MAZ: variants seen among roughly 807,000 people sequenced by gnomAD.
MAZ encodes myc-associated zinc finger protein.
In MAZ, 4 loss-of-function variants were observed where a neutral mutation model predicts 32.7. The ratio of observed to expected loss-of-function variants is 0.12; its 90% CI spans 0.06 to 0.28. MAZ has a LOEUF of 0.28. Among genes scored for constraint, MAZ ranks in the 10% least tolerant of loss-of-function variants. The pLI is 1.00. For missense variants in MAZ, 763 were observed against 667.2 expected (o/e 1.14, Z -1.58); for synonymous variants, 510 against 297.6 (o/e 1.71, Z -7.35).
rs1342198007 is a variant in MAZ at position 29,808,091 on chromosome 16, G to C, written c.1044-139G>C. Reference sequence around the variant, plus strand: ...CAGCGGCTGCTGGGCTCCAGGGGAGGGATTTCCTGCTTAAGTGTCGCTGTG... The same window carrying C: ...CAGCGGCTGCTGGGCTCCAGGGGAGCGATTTCCTGCTTAAGTGTCGCTGTG... On this transcript the variant is annotated intron_variant, in intron 2 of 4. Coordinates refer to ENST00000322945, the MANE Select transcript of MAZ (RefSeq NM_002383.4). 3 of 980,188 alleles carry C rather than the reference G, an allele frequency of 3.1e-6. No individual in the cohort carries two copies. The Admixed American group carries it at 6.6e-5, about 22-fold the overall frequency. 60.7% of individuals were successfully genotyped at this position (980,188 alleles called of 1,614,324 possible).
At chr16:29,806,401 A>ACCGCCG (rs1240478598), upstream of MAZ, 289 of 103,824 alleles carry the variant, frequency 2.8e-3, 3 homozygotes, top group African/African-American at 6.2e-3. Flanking sequence ...CCAGGCTCCA[A>ACCGCCG]CCGCCGCCGC....
At position 29,811,052 on chromosome 16, in the gene MAZ, G is replaced by A. The variant is rs1044086; in HGVS notation, c.*821G>A. The A allele has an allele frequency of 8.8e-6, 4 of 455,192 alleles. No individual in the cohort carries two copies. Among genetic ancestry groups the A allele is most frequent in the South Asian group, 4.7e-5 (3 of 64,306 alleles). The allele number at this position is 455,192 out of a possible 1,614,324, so 28.2% of individuals were successfully genotyped here. ...TTCATCCCTCTTCCCCACGACAGAA[G>A]AAGTTGTGGCCCTGGCCATGTCATC... is the stretch of plus-strand genomic sequence containing the variant. On this transcript the variant is annotated 3_prime_UTR_variant, in exon 5 of 5. Coordinates refer to ENST00000322945, the MANE Select transcript of MAZ (RefSeq NM_002383.4).
chr16:29,806,871 G>T lies in MAZ; in HGVS notation c.170G>T (p.Gly57Val). Residue 57 changes from glycine (G) to valine (V), a missense_variant, in exon 1 of 5, where the codon GGC (glycine) becomes GTC (valine). Gly to Val is a moderately radical substitution (Grantham distance 109). Coordinates refer to ENST00000322945, the MANE Select transcript of MAZ (RefSeq NM_002383.4). ...ELQSRFFASQ[G>V]CAQSPFQAAP... is the part of the protein sequence containing the mutation. ...CAGTCCCGCTTCTTTGCCTCCCAGGGCTGCGCCCAGAGTCCATTCCAGGTG... is the reference window on the plus strand; with the variant it reads ...CAGTCCCGCTTCTTTGCCTCCCAGGTCTGCGCCCAGAGTCCATTCCAGGTG... 7.0e-7 allele frequency: 1 copy of T among 1,435,798 alleles called. No homozygotes were observed. Among genetic ancestry groups the T allele is most frequent in the Non-Finnish European group, 9.2e-7 (1 of 1,085,546 alleles). 88.9% of individuals were successfully genotyped at this position (1,435,798 alleles called of 1,614,324 possible).
chr16:29,808,424 C>G (rs181332715), intron 3 of MAZ, 131 bp downstream of exon 3: 1 of 1,031,898 alleles, frequency 9.7e-7, no homozygotes, highest in African/African-American at 1.6e-5. Context: ...CTCATCCCTT[C>G]TTCAAGGCCT....
At position 29,807,424 on chromosome 16, in the gene MAZ, G is replaced by T. The variant is rs1361074287; in HGVS notation, c.639G>T (p.Thr213=). 1 of 1,612,440 alleles carries T rather than the reference G, an allele frequency of 6.2e-7. No individual in the cohort carries two copies. Among genetic ancestry groups the T allele is most frequent in the South Asian group, 1.1e-5 (1 of 91,074 alleles). The change falls in exon 2 of 5, where the codon ACG becomes ACT. Residue 213 remains threonine, a synonymous_variant. Coordinates refer to ENST00000322945, the MANE Select transcript of MAZ (RefSeq NM_002383.4). ...YNLRRHEAIH[T]GAKAGRVPSG... is the part of the protein sequence containing the mutation. Reference sequence around the variant, plus strand: ...TCCGGAGGCACGAAGCCATCCACACGGGAGCCAAGGCCGGCCGGGTCCCCT... The same window carrying T: ...TCCGGAGGCACGAAGCCATCCACACTGGAGCCAAGGCCGGCCGGGTCCCCT...
chr16:29,809,026 C>T (rs1270413196), intron 4 of MAZ: 3 of 547,102 alleles, frequency 5.5e-6, no homozygotes, highest in Non-Finnish European at 9.6e-6. Flanking sequence ...GTCAAGAAAG[C>T]CAGTTCCAGG....
chr16:29,806,146 TG>T, upstream of MAZ: 1 of 1,012,130 alleles, frequency 9.9e-7, no homozygotes, highest in Non-Finnish European at 1.3e-6. Context: ...CCCTCCGCCA[TG>T]GATCCCAGCA....
intron 2 of MAZ, 137 bp from the exon 3 acceptor site, chr16:29,808,093 A>G: frequency 1.0e-6 from 1 of 979,318 alleles, no homozygotes. Flanking sequence ...CAGGGGAGGG[A>G]TTTCCTGCTT....
At chr16:29,808,957 C>A (rs936869553) in intron 4 of MAZ, 1 of 577,866 alleles carries the variant, frequency 1.7e-6, no homozygotes, top group African/African-American at 1.9e-5. Context: ...AGAGGTTGAA[C>A]CTCCTGGTAA....
At position 29,809,277 on chromosome 16, in the gene MAZ, C is replaced by G. The variant is rs769979443; in HGVS notation, c.1279+536C>G. 4 of 550,692 alleles carry G rather than the reference C, an allele frequency of 7.3e-6. No homozygotes were observed. The African/African-American group carries it at 7.7e-5, about 11-fold the overall frequency. The allele number at this position is 550,692 out of a possible 1,614,324, so 34.1% of individuals were successfully genotyped here. ...TGGCTAGGAGTCAGTGTCTCGTCATCCTGGGAGAGGTCTCCCGGCCATGGA... is the reference window on the plus strand; with the variant it reads ...TGGCTAGGAGTCAGTGTCTCGTCATGCTGGGAGAGGTCTCCCGGCCATGGA... On this transcript the variant is annotated intron_variant, in intron 4 of 4. Transcript: ENST00000322945.
chr16:29,809,141 G>A (rs1899750867), intron 4 of MAZ: 2 of 498,662 alleles, frequency 4.0e-6, no homozygotes, highest in Non-Finnish European at 7.1e-6. Context: ...ACCCTGCACG[G>A]GTAGCAGAGA....
rs768779626 is a variant in MAZ at position 29,807,274 on chromosome 16, C to T, written c.489C>T (p.Ala163=). The T allele has an allele frequency of 6.8e-6, 10 of 1,470,456 alleles. No homozygotes were observed. Among genetic ancestry groups the T allele is most frequent in the African/African-American group, 1.5e-5 (1 of 68,416 alleles). The allele number at this position is 1,470,456 out of a possible 1,614,324, so 91.1% of individuals were successfully genotyped here. ...AATIAAAAAT[A]VVAPTSTVAV... ...CTATCGCCGCGGCGGCGGCCACCGC[C>T]GTCGTAGCCCCAACCTCGACGGTCG... Residue 163 remains alanine (A), a synonymous_variant, in exon 2 of 5, where the codon GCC becomes GCT. Coordinates refer to ENST00000322945, the MANE Select transcript of MAZ (RefSeq NM_002383.4).
intron 4 of MAZ, 181 bp downstream of exon 4, chr16:29,808,922 C>T (rs1016476153): frequency 1.1e-5 from 7 of 612,262 alleles, no homozygotes; most frequent in African/African-American, 7.4e-5. Flanking sequence ...CTAAGAAGTC[C>T]TGGTTGGAAG....
Position 29,810,412 on chromosome 16 carries a change from G to C in MAZ, c.*181G>C, listed in dbSNP as rs1326979748. 6.5e-6 allele frequency: 5 copies of C among 764,844 alleles called. No homozygotes were observed. The highest frequency in any genetic ancestry group is 4.4e-5 in the South Asian group (3 of 68,794). 47.4% of individuals were successfully genotyped at this position (764,844 alleles called of 1,614,324 possible). A position where few individuals can be genotyped will look rare whatever the true frequency, so the allele number is the denominator to read the frequency against. ...TAGGTTTTAACGATTTGTTTCTCCT[G>C]CTCCTCTTCTGTCAGACCTGACCCC... is the stretch of plus-strand genomic sequence containing the variant. On this transcript the variant is annotated 3_prime_UTR_variant, in exon 5 of 5. Transcript: ENST00000322945.
Position 29,810,843 on chromosome 16 carries a change from CAG to C in MAZ, c.*613_*614del, listed in dbSNP as rs1173690668. On this transcript the variant is annotated 3_prime_UTR_variant, in exon 5 of 5. Transcript: ENST00000322945. ...AACATCGTCCTACTTGAGAATCTGT[CAG>C]GGGAAAAAGTCAAGGGGAGCAGGAG... 5.9e-6 allele frequency: 2 copies of C among 341,044 alleles called. No individual in the cohort carries two copies. The highest frequency in any genetic ancestry group is 2.3e-5 in the South Asian group (1 of 43,818). The allele number at this position is 341,044 out of a possible 1,614,324, so 21.1% of individuals were successfully genotyped here. A position where few individuals can be genotyped will look rare whatever the true frequency, so the allele number is the denominator to read the frequency against.
chr16:29,807,752 A>G lies in MAZ; in HGVS notation c.967A>G (p.Ser323Gly). The change falls in exon 2 of 5, where the codon AGC becomes GGC. Residue 323 changes from serine to glycine, a missense_variant. By Grantham distance (56) the Ser-to-Gly change is moderately conservative. Coordinates refer to ENST00000322945, the MANE Select transcript of MAZ (RefSeq NM_002383.4). ...QQRFKRKDRM[S>G]YHVRSHDGAV... is the part of the protein sequence containing the mutation. ...GCGCTTCAAGCGCAAGGACCGCATG[A>G]GCTACCACGTGCGCTCACATGACGG... 1 of 1,612,726 alleles carries G rather than the reference A, an allele frequency of 6.2e-7. No homozygotes were observed. The highest frequency in any genetic ancestry group is 8.5e-7 in the Non-Finnish European group (1 of 1,179,970).
chr16:29,808,414 C>G, intron 3 of MAZ, 121 bp downstream of exon 3: 1 of 1,090,370 alleles, frequency 9.2e-7, no homozygotes, highest in South Asian at 1.3e-5. Context: ...GCTCCATTTT[C>G]TCATCCCTTC....
At position 29,810,120 on chromosome 16, in the gene MAZ, G is replaced by GCGGCA. The variant is rs1555501563; in HGVS notation, c.1323_1324insCGGCA (p.Ala442ArgfsTer10). On this transcript the variant is annotated frameshift_variant, in exon 5 of 5. Coordinates refer to ENST00000322945, the MANE Select transcript of MAZ (RefSeq NM_002383.4). LOFTEE classifies it high-confidence loss of function. ...CAATGGCGGCGGCAGCGGCAGCGGC[G>GCGGCA]GCAGCGGCAGCAGCGGCAGCAGTAG... The GCGGCA allele has an allele frequency of 6.3e-7, 1 of 1,598,230 alleles. No homozygotes were observed. The highest frequency in any genetic ancestry group is 1.4e-5 in the African/African-American group (1 of 73,314).
rs534860404 is a variant in MAZ at position 29,810,187 on chromosome 16, G to C, written c.1390G>C (p.Gly464Arg). ...TAVGSLSGAE[G>R]VPVSSQPLPS... ...TGTGGGCTCCCTCTCGGGGGCGGAGGGGGTGCCTGTGAGCTCTCAGCCACT... is the reference window on the plus strand; with the variant it reads ...TGTGGGCTCCCTCTCGGGGGCGGAGCGGGTGCCTGTGAGCTCTCAGCCACT... The change falls in exon 5 of 5, where the codon GGG (glycine) becomes CGG (arginine). Residue 464 changes from glycine to arginine, a missense_variant. Transcript: ENST00000322945. 43 of 1,607,308 alleles carry C rather than the reference G, an allele frequency of 2.7e-5. No individual in the cohort carries two copies. In the South Asian group the frequency reaches 4.0e-4, roughly 15 times the overall value.
Sources: gnomAD v4.1 joint callset for allele counts on GRCh38, gnomAD v4.1.1 for gene constraint, MANE v1.5 for transcripts, NCBI Gene and HGNC (gene_info 2026-07-23, HGNC 2026-07-21) for gene names.